MGLL: variants seen among roughly 807,000 people sequenced by gnomAD.
MGLL encodes lysophospholipase homolog.
Under a neutral mutation model 29.1 loss-of-function variants are expected in MGLL, and 7 were observed. The ratio of observed to expected loss-of-function variants is 0.24; its 90% CI spans 0.14 to 0.45. MGLL has a LOEUF of 0.45. Ranked by LOEUF, MGLL falls within the 20% of genes least tolerant of loss-of-function variation. MGLL has a pLI of 0.99. For synonymous variants in MGLL, 148 were observed against 168.3 expected, an observed-to-expected ratio of 0.88 and a Z score of 0.93; for missense variants, 356 against 413.6, an observed-to-expected ratio of 0.86 and a Z score of 1.21.
At chr3:127,748,431 A>G (rs60987981) in intron 3 of MGLL, among the ~76,000 whole-genome samples, 4,290 of 116,700 alleles carry the variant, frequency 0.037, 220 homozygotes, top group African/African-American at 0.12. Context: ...AGAGAGAGGG[A>G]GAGAGAGAGA....
At chr3:127,743,159 G>GC (rs2076376637) in intron 3 of MGLL, among the ~76,000 whole-genome samples, 5 of 152,198 alleles carry the variant, frequency 3.3e-5, no homozygotes, top group African/African-American at 1.2e-4. Context: ...TTGACAGAAA[G>GC]CCAGCTCAGT....
intron 3 of MGLL, among the ~76,000 whole-genome samples, chr3:127,737,055 G>A (rs1164792169): frequency 6.6e-6 from 1 of 152,176 alleles, no homozygotes; most frequent in African/African-American, 2.4e-5. Context: ...CCAGTTGGAA[G>A]ATGAGGAGGC....
intron 5 of MGLL, chr3:127,713,371 A>G (rs1283460060): frequency 2.0e-5 from 3 of 148,726 alleles, no homozygotes; most frequent in Non-Finnish European, 4.5e-5. Context: ...ACACTCAGGA[A>G]CCGCAGGAAG....
chr3:127,781,769 CG>C lies in MGLL; in HGVS notation c.262+19del, dbSNP rs1170223194. The C allele has an allele frequency of 6.2e-7, 1 of 1,610,094 alleles. No individual in the cohort carries two copies. ...ATTGTCAGGGCCCAGCCAGCTCTGA[CG>C]GCACCCTGGGACACTCACCATGGTC... is the stretch of plus-strand genomic sequence containing the variant. On this transcript the variant is annotated intron_variant, in intron 3 of 7. Transcript: ENST00000265052.
chr3:127,691,782 T>C lies in MGLL; in HGVS notation c.*416A>G, dbSNP rs571537081. The C allele has an allele frequency of 4.1e-6, 1 of 241,354 alleles. No homozygotes were observed. Among genetic ancestry groups the C allele is most frequent in the Admixed American group, 5.3e-5 (1 of 19,016 alleles). The allele number at this position is 241,354 out of a possible 1,614,324, so 15.0% of individuals were successfully genotyped here. On this transcript the variant is annotated 3_prime_UTR_variant, in exon 8 of 8. Transcript: ENST00000265052. ...AGGAAGGCCACCAAGCGGAGGCTGG[T>C]CAGAGAGGGCGCTGGGGCGTGAGCG...
intron 6 of MGLL, among the ~76,000 whole-genome samples, chr3:127,707,594 T>C (rs1340297270): frequency 1.3e-5 from 2 of 152,214 alleles, no homozygotes; most frequent in Non-Finnish European, 2.9e-5. Flanking sequence ...AGTAGCTGTG[T>C]TCTTGGGCAA....
chr3:127,786,754 C>T (rs141319633), intron 2 of MGLL, among the ~76,000 whole-genome samples: 16 of 152,358 alleles, frequency 1.1e-4, no homozygotes, highest in Admixed American at 7.8e-4. Flanking sequence ...CTAACACCAC[C>T]GACCTCAGAG....
chr3:127,736,893 C>T (rs566589181), intron 3 of MGLL, among the ~76,000 whole-genome samples: 1 of 152,252 alleles, frequency 6.6e-6, no homozygotes, highest in Admixed American at 6.5e-5. Context: ...CAGGGTTTCA[C>T]CTTGTTGGCC....
chr3:127,699,389 C>T (rs2075435005), intron 6 of MGLL, among the ~76,000 whole-genome samples: 1 of 152,082 alleles, frequency 6.6e-6, no homozygotes, highest in Non-Finnish European at 1.5e-5. Flanking sequence ...AATGCAATAT[C>T]AGAGTTTAAT....
At chr3:127,755,777 A>G (rs967042458) in intron 3 of MGLL, among the ~76,000 whole-genome samples, 1 of 152,224 alleles carries the variant, frequency 6.6e-6, no homozygotes, top group Non-Finnish European at 1.5e-5. Context: ...AAATTGATGT[A>G]TTTATCAAAG....
At chr3:127,770,285 G>A (rs1010642291) in intron 3 of MGLL, among the ~76,000 whole-genome samples, 1 of 152,118 alleles carries the variant, frequency 6.6e-6, no homozygotes, top group Admixed American at 6.5e-5. Context: ...GCCTCCCACA[G>A]TGCTGGGATT....
chr3:127,784,008 A>G (rs975482252), intron 2 of MGLL: 1 of 152,286 alleles, frequency 6.6e-6, no homozygotes, highest in Non-Finnish European at 1.5e-5. Context: ...GAGCTGGATC[A>G]TGCAACTCTC....
At chr3:127,693,917 G>A (rs2075295607) in intron 7 of MGLL, among the ~76,000 whole-genome samples, 1 of 152,198 alleles carries the variant, frequency 6.6e-6, no homozygotes. Flanking sequence ...GTTCACATTG[G>A]TGTAAGGGCG....
At chr3:127,810,990 C>T (rs1421077970) in intron 2 of MGLL, among the ~76,000 whole-genome samples, 4 of 149,232 alleles carry the variant, frequency 2.7e-5, no homozygotes, top group Admixed American at 2.6e-4. Context: ...AAAGTACAGC[C>T]ATCCAGTATC....
At chr3:127,721,208 G>C in intron 4 of MGLL, 45 bp from the exon 5 acceptor site, 2 of 1,523,546 alleles carry the variant, frequency 1.3e-6, no homozygotes, top group South Asian at 1.1e-5. Flanking sequence ...GCTTGCACCA[G>C]TGCACACATT....
In MGLL at chr3:127,690,269, AC is replaced by A. The variant is rs748500796; in HGVS notation, c.*1928del. The A allele has an allele frequency of 3.9e-5, 6 of 152,142 alleles. No homozygotes were observed. The highest frequency in any genetic ancestry group is 7.3e-5 in the Non-Finnish European group (5 of 68,028). 9.4% of individuals were successfully genotyped at this position (152,142 alleles called of 1,614,324 possible). On this transcript the variant is annotated 3_prime_UTR_variant, in exon 8 of 8. Coordinates refer to ENST00000265052, the MANE Select transcript of MGLL (RefSeq NM_007283.7). The stretch of plus-strand genomic sequence containing the variant: ...GGCTGGCTTTCTCAGTGCATATTTT[AC>A]ATTTTTCTCCTTCAAAGAGAAGCCA...
chr3:127,724,974 C>A (rs1305435355), intron 3 of MGLL, among the ~76,000 whole-genome samples: 2 of 152,126 alleles, frequency 1.3e-5, no homozygotes, highest in Non-Finnish European at 2.9e-5. Context: ...GCTCCCTGTG[C>A]CAGCTGCATC....
intron 2 of MGLL, among the ~76,000 whole-genome samples, chr3:127,802,509 C>G (rs980822372): frequency 6.6e-6 from 1 of 152,190 alleles, no homozygotes; most frequent in Admixed American, 6.5e-5. Flanking sequence ...AATCACCCCC[C>G]TTGTACTAGG....
At chr3:127,808,257 G>T (rs1188343311) in intron 2 of MGLL, among the ~76,000 whole-genome samples, 1 of 152,142 alleles carries the variant, frequency 6.6e-6, no homozygotes, top group Non-Finnish European at 1.5e-5. Context: ...GATTCAAGGG[G>T]TCTGGCAACA....
Sources: gnomAD v4.1 joint callset for allele counts (sites outside exome capture counted in the v4.1 genomes callset) on GRCh38, gnomAD v4.1.1 for gene constraint, MANE v1.5 for transcripts, NCBI Gene and HGNC (gene_info 2026-07-23, HGNC 2026-07-21) for gene names.